ZNF578: variants seen among roughly 807,000 people sequenced by gnomAD.
The protein encoded by ZNF578 is Putative chemokine-related protein B42.
In ZNF578, 8 loss-of-function variants were observed where a neutral mutation model predicts 8.3. That is an observed-to-expected ratio of 0.96 (90% CI 0.56 to 1.74). The LOEUF (loss-of-function observed/expected upper bound fraction) is 1.74, where lower values mean the gene tolerates loss of function less well. Ranked by LOEUF, ZNF578 falls within the 40% of genes most tolerant of loss-of-function variation. The pLI, the probability that ZNF578 is intolerant of heterozygous loss-of-function variation, is 0.00. For synonymous variants in ZNF578, 206 were observed against 232.2 expected (o/e 0.89, Z 1.03); for missense variants, 726 against 707.5 (o/e 1.03, Z -0.30).
At chr19:52,473,075 G>A (rs1177683337) in intron 2 of ZNF578, among the ~76,000 whole-genome samples, 3 of 152,124 alleles carry the variant, frequency 2.0e-5, no homozygotes, top group Non-Finnish European at 4.4e-5. Context: ...AAATCTATCT[G>A]TGAGGTATTT....
At chr19:52,488,674 C>T (rs1397340370) in intron 2 of ZNF578, among the ~76,000 whole-genome samples, 1 of 151,816 alleles carries the variant, frequency 6.6e-6, no homozygotes, top group East Asian at 1.9e-4. Flanking sequence ...ATCCCAGCTA[C>T]TCGGGAGGCT....
At chr19:52,457,631 CA>C (rs1951503903) in intron 2 of ZNF578, 1 of 151,942 alleles carries the variant, frequency 6.6e-6, no homozygotes, top group African/African-American at 2.4e-5. Flanking sequence ...TTAATGTACA[CA>C]GTAGATAGTG....
In ZNF578 at chr19:52,510,664, A is replaced by G. The variant is rs779843604; in HGVS notation, c.283A>G (p.Ser95Gly). 3.1e-6 allele frequency: 5 copies of G among 1,612,890 alleles called. No individual in the cohort carries two copies. Among genetic ancestry groups the G allele is most frequent in the Admixed American group, 1.7e-5 (1 of 59,762 alleles). ...CACAGGGATGTTGCAAAGACATGAA[A>G]GTTATCACACTGGAGATTTTTGCTT... The part of the protein sequence containing the change: ...IHTGMLQRHE[S>G]YHTGDFCFQE... Residue 95 changes from serine (S) to glycine (G), a missense_variant, in exon 6 of 6, where the codon AGT (serine) becomes GGT (glycine). Ser to Gly is a moderately conservative substitution (Grantham distance 56). Coordinates refer to ENST00000421239, the MANE Select transcript of ZNF578 (RefSeq NM_001099694.2).
chr19:52,474,632 T>C, intron 2 of ZNF578: 1 of 331,682 alleles, frequency 3.0e-6, no homozygotes, highest in Non-Finnish European at 6.2e-6. Flanking sequence ...CCACACTCAT[T>C]ACATTTGTAA....
At chr19:52,507,863 A>G (rs1484771340) in intron 5 of ZNF578, among the ~76,000 whole-genome samples, 1 of 151,852 alleles carries the variant, frequency 6.6e-6, no homozygotes, top group Non-Finnish European at 1.5e-5. Flanking sequence ...CAGCCTGACC[A>G]ACATGGAGAA....
chr19:52,496,878 C>T (rs143225298), intron 3 of ZNF578, among the ~76,000 whole-genome samples: 311 of 151,868 alleles, frequency 2.0e-3, no homozygotes, highest in African/African-American at 7.2e-3. Context: ...CTCAGGTGAT[C>T]CTCCTGCTTC....
rs2059471904 is a variant in ZNF578 at position 52,515,698 on chromosome 19, G to T, written c.*3544G>T. Among the ~76,000 whole-genome samples the T allele has an allele frequency of 6.6e-6, 1 of 151,606 alleles. No individual in the cohort carries two copies. ...CCCGAGTGTCCCTGACCGTTGAAAT[G>T]ATTGGCAAAATGGAGTGCGTGTCTG... is the stretch of plus-strand genomic sequence containing the variant. On this transcript the variant is annotated 3_prime_UTR_variant, in exon 6 of 6. Coordinates refer to ENST00000421239, the MANE Select transcript of ZNF578 (RefSeq NM_001099694.2).
At position 52,478,654 on chromosome 19, in the gene ZNF578, G is replaced by A. The variant is rs145367373; in HGVS notation, c.-121-12670G>A. On this transcript the variant is annotated intron_variant, in intron 2 of 5. Transcript: ENST00000421239. ...AAGGACAGTATGAACAAAACTCCAAGTGGAGAAAACAGATGATCAACTTTA... is the reference window on the plus strand; with the variant it reads ...AAGGACAGTATGAACAAAACTCCAAATGGAGAAAACAGATGATCAACTTTA... Among the ~76,000 whole-genome samples the A allele has an allele frequency of 3.3e-3, 497 of 152,306 alleles. 2 individuals are homozygous for A. Among genetic ancestry groups the A allele is most frequent in the African/African-American group, 0.012 (479 of 41,566 alleles).
At chr19:52,476,443 T>C (rs1451967675) in intron 2 of ZNF578, among the ~76,000 whole-genome samples, 1 of 152,194 alleles carries the variant, frequency 6.6e-6, no homozygotes, top group Non-Finnish European at 1.5e-5. Context: ...AGGAGAAATA[T>C]CAATGACCCC....
Position 52,496,325 on chromosome 19 carries a change from G to GTTATTTATTTAT in ZNF578, c.-20+4911_-20+4922dup, listed in dbSNP as rs143811534. Among the ~76,000 whole-genome samples, 1,324 of 146,186 alleles carry GTTATTTATTTAT rather than the reference G, an allele frequency of 9.1e-3. 17 individuals are homozygous for GTTATTTATTTAT. The highest frequency in any genetic ancestry group is 0.03 in the African/African-American group (1,178 of 39,612). On this transcript the variant is annotated intron_variant, in intron 3 of 5. Transcript: ENST00000421239. ...GCCACCACGCTCGGCCTCATTTGTT[G>GTTATTTATTTAT]TTATTTATTTATTTATTTATTTGAG...
intron 2 of ZNF578, among the ~76,000 whole-genome samples, chr19:52,482,363 C>T (rs529899442): frequency 1.3e-5 from 2 of 151,462 alleles, no homozygotes; most frequent in Non-Finnish European, 2.9e-5. Flanking sequence ...GACATCAGGA[C>T]GCGGTGGCTC....
At chr19:52,505,265 ATCT>A (rs1480479380) in intron 5 of ZNF578, among the ~76,000 whole-genome samples, 1 of 152,110 alleles carries the variant, frequency 6.6e-6, no homozygotes, top group African/African-American at 2.4e-5. Flanking sequence ...ACTAATGATC[ATCT>A]TCTCTAAGCA....
At chr19:52,485,672 C>T (rs2059343082) in intron 2 of ZNF578, among the ~76,000 whole-genome samples, 1 of 152,234 alleles carries the variant, frequency 6.6e-6, no homozygotes, top group Non-Finnish European at 1.5e-5. Context: ...ACCATACCCC[C>T]AACCCTGTGC....
Position 52,512,006 on chromosome 19 carries a change from AG to A in ZNF578, c.1627del (p.Val543PhefsTer37). 2 of 1,614,120 alleles carry A rather than the reference AG, an allele frequency of 1.2e-6. No homozygotes were observed. The highest frequency in any genetic ancestry group is 1.7e-6 in the Non-Finnish European group (2 of 1,180,016). ...ACTGGAGAGAAACCTTACAAATGTA[AG>A]GTTTGTGACAAGGCTTTCATGTGCC... ...LHTGEKPYKC[K>X]VCDKAFMCHS... On this transcript the variant is annotated frameshift_variant, in exon 6 of 6. Coordinates refer to ENST00000421239, the MANE Select transcript of ZNF578 (RefSeq NM_001099694.2). LOFTEE classifies it low-confidence loss of function (END_TRUNC).
At chr19:52,493,040 C>T (rs374854439) in intron 3 of ZNF578, among the ~76,000 whole-genome samples, 1 of 152,190 alleles carries the variant, frequency 6.6e-6, no homozygotes, top group Non-Finnish European at 1.5e-5. Flanking sequence ...TTGAAGTCGT[C>T]CGGAGGCTGG....
intron 2 of ZNF578, among the ~76,000 whole-genome samples, chr19:52,472,395 T>G (rs2059294718): frequency 6.6e-6 from 1 of 152,248 alleles, no homozygotes; most frequent in Non-Finnish European, 1.5e-5. Context: ...AACAGTTAAA[T>G]GTGAATTCTA....
chr19:52,482,299 G>C (rs1415625793), intron 2 of ZNF578, among the ~76,000 whole-genome samples: 1 of 152,076 alleles, frequency 6.6e-6, no homozygotes, highest in African/African-American at 2.4e-5. Context: ...CTCCCAAAGT[G>C]CTGGGATTAC....
intron 3 of ZNF578, among the ~76,000 whole-genome samples, chr19:52,497,145 G>T (rs556264682): frequency 2.0e-5 from 3 of 152,056 alleles, no homozygotes; most frequent in African/African-American, 7.2e-5. Context: ...TGTCACCCAG[G>T]CTGGAGTGCA....
At chr19:52,505,265 A>G (rs560998764) in intron 5 of ZNF578, among the ~76,000 whole-genome samples, 27 of 152,228 alleles carry the variant, frequency 1.8e-4, no homozygotes, top group Non-Finnish European at 2.2e-4. Flanking sequence ...ACTAATGATC[A>G]TCTTCTCTAA....
Sources: allele counts gnomAD v4.1 joint callset (sites outside exome capture counted in the v4.1 genomes callset), GRCh38; gene constraint gnomAD v4.1.1; transcripts MANE v1.5; gene names NCBI Gene and HGNC (gene_info 2026-07-23, HGNC 2026-07-21).